The following FAR2 variants were observed in gnomAD, a reference collection of about 807,000 sequenced individuals.
FAR2 encodes the protein epididymis secretory protein Li 81.
FAR2 carries 19 observed loss-of-function variants against 56.0 expected under a neutral mutation model. That is an observed-to-expected ratio of 0.34 (90% CI 0.24 to 0.50). The LOEUF (loss-of-function observed/expected upper bound fraction) is 0.50. Ranked by LOEUF, FAR2 falls within the 20% of genes least tolerant of loss-of-function variation. FAR2 has a pLI of 0.98. For missense variants in FAR2, 508 were observed against 642.2 expected (o/e 0.79, Z 2.26); for synonymous variants, 219 against 218.8 (o/e 1.00, Z -0.01).
chr12:29,215,760 T>A (rs1416397883), intron 1 of FAR2, among the ~76,000 whole-genome samples: 8 of 152,188 alleles, frequency 5.3e-5, no homozygotes, highest in African/African-American at 1.9e-4. Context: ...TTATAGTTTA[T>A]AAATAAAATT....
chr12:29,203,999 CAAAA>C (rs34399942), intron 1 of FAR2, among the ~76,000 whole-genome samples: 12 of 68,106 alleles, frequency 1.8e-4, no homozygotes, highest in Non-Finnish European at 2.7e-4. Flanking sequence ...GATTCCATCT[CAAAA>C]AAAAAAAAAA....
chr12:29,198,460 C>A (rs143318175), intron 1 of FAR2, among the ~76,000 whole-genome samples: 5,874 of 152,194 alleles, frequency 0.039, 331 homozygotes, highest in African/African-American at 0.13. Flanking sequence ...ATCTCTTGAC[C>A]TCTTGATCCG....
chr12:29,161,464 A>G lies in FAR2; in HGVS notation c.-39+12057A>G, dbSNP rs1312956826. Among the ~76,000 whole-genome samples the G allele has an allele frequency of 2.6e-5, 4 of 152,142 alleles. No individual in the cohort carries two copies. In the East Asian group the frequency reaches 7.7e-4, roughly 29 times the overall value. Reference sequence around the variant, plus strand: ...TTATGTTTGTGAGATCTTTCAAATTATTGTGTGTATTTGTAGATTATTCAT... The same window carrying G: ...TTATGTTTGTGAGATCTTTCAAATTGTTGTGTGTATTTGTAGATTATTCAT... On this transcript the variant is annotated intron_variant, in intron 1 of 11. Transcript: ENST00000536681.
chr12:29,299,093 A>G (rs1187641902), intron 4 of FAR2, among the ~76,000 whole-genome samples: 1 of 151,776 alleles, frequency 6.6e-6, no homozygotes, highest in Non-Finnish European at 1.5e-5. Context: ...CATGCCTGTA[A>G]TCTCAGCTAC....
intron 1 of FAR2, among the ~76,000 whole-genome samples, chr12:29,198,563 T>C (rs1947364491): frequency 6.6e-6 from 1 of 152,204 alleles, no homozygotes; most frequent in Admixed American, 6.5e-5. Flanking sequence ...TCATACCATC[T>C]TCCCTTTATG....
At chr12:29,315,798 A>G (rs1365947031) in intron 8 of FAR2, among the ~76,000 whole-genome samples, 1 of 152,190 alleles carries the variant, frequency 6.6e-6, no homozygotes, top group Admixed American at 6.5e-5. Flanking sequence ...TTGTGTATGC[A>G]TTGGGAAGGG....
At chr12:29,296,668 T>G (rs2136757779) in intron 3 of FAR2, among the ~76,000 whole-genome samples, 1 of 152,338 alleles carries the variant, frequency 6.6e-6, no homozygotes, top group South Asian at 2.1e-4. Context: ...TCCAACTTCT[T>G]CAGTTAGATG....
rs1171548303 is a variant in FAR2, at chr12:29,324,644, A to C, written c.1257+2720A>C. 1.3e-4 allele frequency among the ~76,000 whole-genome samples: 20 copies of C among 152,282 alleles called. No homozygotes were observed. In the South Asian group the frequency reaches 3.7e-3, roughly 28 times the overall value. On this transcript the variant is annotated intron_variant, in intron 10 of 11. Coordinates refer to ENST00000536681, the MANE Select transcript of FAR2 (RefSeq NM_001271783.2). ...TCAACCCAGAATTTCATATCCAGCC[A>C]AACTAAGCTTCATAAGTGAAGGAGA... is the stretch of plus-strand genomic sequence containing the variant.
chr12:29,185,052 A>G (rs1452829698), intron 1 of FAR2, among the ~76,000 whole-genome samples: 1 of 152,206 alleles, frequency 6.6e-6, no homozygotes, highest in African/African-American at 2.4e-5. Flanking sequence ...TTCAATTCCT[A>G]AATTAGAAAA....
chr12:29,214,545 G>C (rs1357742654), intron 1 of FAR2, among the ~76,000 whole-genome samples: 2 of 152,140 alleles, frequency 1.3e-5, no homozygotes, highest in African/African-American at 4.8e-5. Flanking sequence ...CATGGGACTG[G>C]GCACAGTGGC....
intron 1 of FAR2, among the ~76,000 whole-genome samples, chr12:29,247,836 A>T (rs1425636359): frequency 6.6e-6 from 1 of 152,236 alleles, no homozygotes; most frequent in African/African-American, 2.4e-5. Context: ...CCATAGTAGT[A>T]CAATAAGTTT....
chr12:29,177,580 G>A (rs1949950381), intron 1 of FAR2, among the ~76,000 whole-genome samples: 1 of 151,906 alleles, frequency 6.6e-6, no homozygotes, highest in Non-Finnish European at 1.5e-5. Context: ...AAGTAATAAG[G>A]TACTTGCAAA....
intron 2 of FAR2, among the ~76,000 whole-genome samples, chr12:29,287,278 A>G (rs1948893835): frequency 6.6e-6 from 1 of 152,188 alleles, no homozygotes; most frequent in African/African-American, 2.4e-5. Context: ...CTACTACACC[A>G]TGCTGCCTTA....
chr12:29,223,392 T>C (rs1260525753), intron 1 of FAR2, among the ~76,000 whole-genome samples: 7 of 152,208 alleles, frequency 4.6e-5, no homozygotes, highest in Non-Finnish European at 1.0e-4. Context: ...CCATATACTG[T>C]GTCATATTCT....
At chr12:29,241,198 G>A (rs1460535606) in intron 1 of FAR2, among the ~76,000 whole-genome samples, 1 of 152,214 alleles carries the variant, frequency 6.6e-6, no homozygotes, top group Non-Finnish European at 1.5e-5. Flanking sequence ...TATAATGTAT[G>A]TGTGTGTACA....
intron 1 of FAR2, among the ~76,000 whole-genome samples, chr12:29,260,315 C>G (rs2216853): frequency 0.42 from 64,518 of 151,960 alleles, 14,560 homozygotes; most frequent in African/African-American, 0.59. Flanking sequence ...CAGCTTTGTC[C>G]TGAGGGGAGG....
At position 29,293,405 on chromosome 12, in the gene FAR2, C is replaced by G; in HGVS notation, c.295C>G (p.Gln99Glu). 6.2e-7 allele frequency: 1 copy of G among 1,612,622 alleles called. No individual in the cohort carries two copies. Among genetic ancestry groups the G allele is most frequent in the Non-Finnish European group, 8.5e-7 (1 of 1,179,480 alleles). The change falls in exon 3 of 12, where the codon CAG (glutamine) becomes GAG (glutamate). Residue 99 changes from glutamine to glutamate, a missense_variant. Coordinates refer to ENST00000536681, the MANE Select transcript of FAR2 (RefSeq NM_001271783.2). ...NDFAISKEDM[Q>E]ELLSCTNIIF... is the part of the protein sequence containing the mutation. ...CTTTGCCATCAGCAAAGAGGACATG[C>G]AGGAGCTTCTCTCCTGTACAAACAT...
At chr12:29,213,722 T>A (rs1947586660) in intron 1 of FAR2, among the ~76,000 whole-genome samples, 1 of 151,900 alleles carries the variant, frequency 6.6e-6, no homozygotes, top group African/African-American at 2.4e-5. Context: ...AGTCTATCTG[T>A]AATTGGTTTC....
chr12:29,154,419 T>TG (rs1949707510), intron 1 of FAR2, among the ~76,000 whole-genome samples: 3 of 146,828 alleles, frequency 2.0e-5, no homozygotes, highest in African/African-American at 7.9e-5. Flanking sequence ...TTTTTGTTTT[T>TG]TTTTTTGTTT....
Sources: gnomAD v4.1 joint callset for allele counts (sites outside exome capture counted in the v4.1 genomes callset) on GRCh38, gnomAD v4.1.1 for gene constraint, MANE v1.5 for transcripts, NCBI Gene and HGNC (gene_info 2026-07-23, HGNC 2026-07-21) for gene names.